ARL15: variants seen among roughly 807,000 people sequenced by gnomAD.
ARL15 encodes ADP-ribosylation factor-like protein 15.
ARL15 carries 19 observed loss-of-function variants against 25.2 expected under a neutral mutation model. The ratio of observed to expected loss-of-function variants is 0.75; its 90% confidence interval spans 0.53 to 1.10. The LOEUF (loss-of-function observed/expected upper bound fraction) is 1.10. Among genes scored for constraint, ARL15 ranks in the 50% least tolerant of loss-of-function variants. The probability of loss-of-function intolerance (pLI) is 0.00; values close to 1 mark genes in which losing one functional copy is unlikely to be tolerated. For missense variants in ARL15, 220 were observed against 246.0 expected, an observed-to-expected ratio of 0.89 and a Z score of 0.71; for synonymous variants, 94 against 86.8, an observed-to-expected ratio of 1.08 and a Z score of -0.46.
intron 4 of ARL15, among the ~76,000 whole-genome samples, chr5:54,087,969 C>T (rs1244572642): frequency 6.6e-6 from 1 of 152,184 alleles, no homozygotes; most frequent in Non-Finnish European, 1.5e-5. Flanking sequence ...AGCCACTGTG[C>T]CCAGTCGGCT....
At chr5:53,945,094 G>A (rs1276993018) in intron 4 of ARL15, among the ~76,000 whole-genome samples, 1 of 152,188 alleles carries the variant, frequency 6.6e-6, no homozygotes, top group Non-Finnish European at 1.5e-5. Context: ...GAGTGGCTGA[G>A]AGAGATGTGA....
intron 1 of ARL15, among the ~76,000 whole-genome samples, chr5:54,185,929 A>C (rs147931796): frequency 3.9e-5 from 6 of 152,282 alleles, no homozygotes; most frequent in African/African-American, 1.4e-4. Context: ...GATATGCCAA[A>C]TCCCAATGGT....
At chr5:53,927,956 T>C (rs1331901046) in intron 4 of ARL15, among the ~76,000 whole-genome samples, 3 of 152,172 alleles carry the variant, frequency 2.0e-5, no homozygotes, top group Non-Finnish European at 4.4e-5. Flanking sequence ...ATGTTGCTAA[T>C]AATAACATGT....
chr5:54,199,839 GCACA>G lies in ARL15; in HGVS notation c.49-27915_49-27912del, dbSNP rs1280099984. ...AAATCATGCTGCTATAAAGACACAT[GCACA>G]CATATGTTTATGGCAGCACTATTCA... On this transcript the variant is annotated intron_variant, in intron 1 of 4. Coordinates refer to ENST00000504924, the MANE Select transcript of ARL15 (RefSeq NM_019087.3). 5.8e-3 allele frequency among the ~76,000 whole-genome samples: 300 copies of G among 51,612 alleles called. 6 individuals carry two copies. The highest frequency in any genetic ancestry group is 0.023 in the Middle Eastern group (2 of 88). 33.9% of individuals were successfully genotyped at this position (51,612 alleles called of 152,430 possible).
Position 53,930,848 on chromosome 5 carries a change from T to C in ARL15, c.463-44135A>G, listed in dbSNP as rs1041613683. On this transcript the variant is annotated intron_variant, in intron 4 of 4. Coordinates refer to ENST00000504924, the MANE Select transcript of ARL15 (RefSeq NM_019087.3). ...CCAATTTAATTTCATGAAATCAGTT[T>C]GAAATAGAAGTAGTTTAGCTAACTG... is the stretch of plus-strand genomic sequence containing the variant. 3.3e-5 allele frequency among the ~76,000 whole-genome samples: 5 copies of C among 152,234 alleles called. 1 individual carries two copies. The highest frequency in any genetic ancestry group is 4.4e-5 in the Non-Finnish European group (3 of 68,044).
chr5:54,246,114 A>G (rs1757080375), intron 1 of ARL15, among the ~76,000 whole-genome samples: 1 of 149,758 alleles, frequency 6.7e-6, no homozygotes, highest in Admixed American at 6.7e-5. Flanking sequence ...TGTGTCCTAG[A>G]AAGTCTATAA....
intron 4 of ARL15, among the ~76,000 whole-genome samples, chr5:54,081,473 C>A (rs1345319332): frequency 6.6e-6 from 1 of 152,100 alleles, no homozygotes; most frequent in East Asian, 1.9e-4. Context: ...TGTCCCCACC[C>A]AAGTCTTATC....
At chr5:53,907,484 A>ATGTTTT in intron 4 of ARL15, among the ~76,000 whole-genome samples, 1 of 26,398 alleles carries the variant, frequency 3.8e-5, no homozygotes, top group Admixed American at 5.9e-4. Context: ...ATATATATAT[A>ATGTTTT]TATATTTTTT....
At chr5:54,034,241 T>A (rs1190834459) in intron 4 of ARL15, among the ~76,000 whole-genome samples, 2 of 152,202 alleles carry the variant, frequency 1.3e-5, no homozygotes, top group Non-Finnish European at 2.9e-5. Context: ...GAAAAATTAA[T>A]CCATTTTGTT....
At chr5:54,290,962 C>A (rs1758305631) in intron 1 of ARL15, among the ~76,000 whole-genome samples, 1 of 152,110 alleles carries the variant, frequency 6.6e-6, no homozygotes, top group Admixed American at 6.6e-5. Flanking sequence ...ATTCAAATGG[C>A]CAACCCCTTT....
Position 54,209,666 on chromosome 5 carries a change from C to T in ARL15, c.49-37738G>A, listed in dbSNP as rs547769914. Among the ~76,000 whole-genome samples, 7 of 151,516 alleles carry T rather than the reference C, an allele frequency of 4.6e-5. No homozygotes were observed. The East Asian group carries it at 5.8e-4, about 13-fold the overall frequency. ...TCTTTTTAAAGGACTATTTTGAGGT[C>T]GTCTTTAGCTTAAAGCACATATAAT... is the stretch of plus-strand genomic sequence containing the variant. On this transcript the variant is annotated intron_variant, in intron 1 of 4. Coordinates refer to ENST00000504924, the MANE Select transcript of ARL15 (RefSeq NM_019087.3).
At chr5:54,017,212 A>G (rs1293424225) in intron 4 of ARL15, among the ~76,000 whole-genome samples, 1 of 152,216 alleles carries the variant, frequency 6.6e-6, no homozygotes. Flanking sequence ...GAGAGAGCTT[A>G]GGCTTGACAT....
intron 4 of ARL15, among the ~76,000 whole-genome samples, chr5:54,000,465 G>A (rs2111717997): frequency 6.6e-6 from 1 of 152,254 alleles, no homozygotes; most frequent in Non-Finnish European, 1.5e-5. Flanking sequence ...CCCTTCAGAA[G>A]GGTTGAAACT....
intron 2 of ARL15, among the ~76,000 whole-genome samples, chr5:54,169,578 T>C (rs535855303): frequency 6.6e-6 from 1 of 152,324 alleles, no homozygotes; most frequent in Non-Finnish European, 1.5e-5. Flanking sequence ...CAGAAGACTA[T>C]ATAGATTCAA....
chr5:54,001,092 G>A (rs920191668), intron 4 of ARL15, among the ~76,000 whole-genome samples: 3 of 152,072 alleles, frequency 2.0e-5, no homozygotes, highest in Admixed American at 6.5e-5. Flanking sequence ...CTTTTTGCCC[G>A]ACTTTGAACA....
intron 4 of ARL15, among the ~76,000 whole-genome samples, chr5:54,055,430 G>A (rs1750838282): frequency 7.2e-6 from 1 of 139,552 alleles, no homozygotes; most frequent in Non-Finnish European, 1.5e-5. Flanking sequence ...GCGTGATCTT[G>A]GCTCACTGCA....
rs368777733 is a variant in ARL15 at position 54,061,147 on chromosome 5, G to T, written c.462+52055C>A. The stretch of plus-strand genomic sequence containing the variant: ...AGTGGTTTCGTGGGCCAGGCCCAGG[G>T]TCCTCCAGCTGTGTGCAGCCTAGGG... On this transcript the variant is annotated intron_variant, in intron 4 of 4. Coordinates refer to ENST00000504924, the MANE Select transcript of ARL15 (RefSeq NM_019087.3). Among the ~76,000 whole-genome samples, 5 of 152,310 alleles carry T rather than the reference G, an allele frequency of 3.3e-5. No individual in the cohort carries two copies. In the East Asian group the frequency reaches 9.7e-4, roughly 29 times the overall value.
chr5:54,206,524 A>G (rs1755873401), intron 1 of ARL15, among the ~76,000 whole-genome samples: 1 of 152,230 alleles, frequency 6.6e-6, no homozygotes. Flanking sequence ...TGAGAGGGAA[A>G]GAAATCTAAG....
intron 4 of ARL15, among the ~76,000 whole-genome samples, chr5:54,061,712 G>C (rs965553296): frequency 6.6e-6 from 1 of 152,206 alleles, no homozygotes; most frequent in African/African-American, 2.4e-5. Flanking sequence ...TTGCTACAGG[G>C]GCAGGGCTCT....
Sources: gnomAD v4.1 joint callset for allele counts (sites outside exome capture counted in the v4.1 genomes callset) on GRCh38, gnomAD v4.1.1 for gene constraint, MANE v1.5 for transcripts, NCBI Gene and HGNC (gene_info 2026-07-23, HGNC 2026-07-21) for gene names.